USPL1: variants seen among roughly 807,000 people sequenced by gnomAD.
USPL1 encodes ubiquitin specific peptidase like 1, also known as SUMO-specific isopeptidase USPL1.
A neutral mutation model predicts 51.5 loss-of-function variants in USPL1; 27 were observed. The observed-to-expected ratio is 0.52, with a 90% confidence interval of 0.39 to 0.72. The LOEUF is 0.72. Ranked by LOEUF, USPL1 falls within the 30% of genes least tolerant of loss-of-function variation. The probability of loss-of-function intolerance (pLI) is 0.00; values close to 1 mark genes in which losing one functional copy is unlikely to be tolerated. For synonymous variants in USPL1, 451 were observed against 459.6 expected, an observed-to-expected ratio of 0.98 and a Z score of 0.24; for missense variants, 1,226 against 1,268.0, an observed-to-expected ratio of 0.97 and a Z score of 0.50.
At chr13:30,643,409 A>G (rs1337977977) in intron 6 of USPL1, among the ~76,000 whole-genome samples, 1 of 152,178 alleles carries the variant, frequency 6.6e-6, no homozygotes, top group African/African-American at 2.4e-5. Context: ...GATAAGAGAT[A>G]TTCAACCTGT....
At position 30,637,764 on chromosome 13, in the gene USPL1, AC is replaced by A. The variant is rs1422023604; in HGVS notation, c.891del (p.Ser298GlnfsTer7). On this transcript the variant is annotated frameshift_variant, in exon 5 of 9. Coordinates refer to ENST00000255304, the MANE Select transcript of USPL1 (RefSeq NM_005800.5). LOFTEE classifies it high-confidence loss of function. ...CTTAGATGGAGATTGTAAAAAACTT[AC>A]CTCAGAAATATTTGCAGAGATAGAG... is the stretch of plus-strand genomic sequence containing the variant. ...GVKDGDCKKL[T>X]SEIFAEIETC... is the part of the protein sequence containing the mutation. 1 of 1,611,740 alleles carries A rather than the reference AC, an allele frequency of 6.2e-7. No homozygotes were observed. Among genetic ancestry groups the A allele is most frequent in the Non-Finnish European group, 8.5e-7 (1 of 1,179,342 alleles).
At chr13:30,619,148 A>G (rs1190027818) in intron 1 of USPL1, among the ~76,000 whole-genome samples, 2 of 152,328 alleles carry the variant, frequency 1.3e-5, no homozygotes, top group East Asian at 1.9e-4. Flanking sequence ...GAAGGGAGGA[A>G]GAGCAGTTAC....
chr13:30,654,304 GC>G, intron 8 of USPL1, among the ~76,000 whole-genome samples: 1 of 151,850 alleles, frequency 6.6e-6, no homozygotes, highest in Admixed American at 6.6e-5. Context: ...TTGGTTTTTG[GC>G]CCGCCTACCC....
At chr13:30,656,454 G>T (rs1361876949) in intron 8 of USPL1, among the ~76,000 whole-genome samples, 11 of 152,076 alleles carry the variant, frequency 7.2e-5, no homozygotes, top group Non-Finnish European at 1.5e-4. Flanking sequence ...AAGTGGAATC[G>T]TACATTATTT....
intron 6 of USPL1, among the ~76,000 whole-genome samples, chr13:30,643,198 C>G (rs975305198): frequency 2.0e-5 from 3 of 152,198 alleles, no homozygotes; most frequent in African/African-American, 7.2e-5. Context: ...CAGAAGCCTA[C>G]ACATGAGTCT....
intron 3 of USPL1, among the ~76,000 whole-genome samples, chr13:30,625,495 G>A (rs1475664249): frequency 6.7e-6 from 1 of 149,082 alleles, no homozygotes; most frequent in Non-Finnish European, 1.5e-5. Context: ...CACGAGGCTG[G>A]AGTGCAGTGG....
intron 4 of USPL1, among the ~76,000 whole-genome samples, chr13:30,635,531 T>C (rs185898435): frequency 6.6e-6 from 1 of 152,348 alleles, no homozygotes; most frequent in Admixed American, 6.5e-5. Context: ...TTTAAATTAT[T>C]ATGGCTACCT....
chr13:30,630,699 A>G, intron 3 of USPL1, 136 bp from the exon 4 acceptor site: 1 of 986,916 alleles, frequency 1.0e-6, no homozygotes, highest in Non-Finnish European at 1.4e-6. Flanking sequence ...TAATTTTTTC[A>G]AATTTATGTG....
At chr13:30,654,634 TA>T (rs934714256) in intron 8 of USPL1, among the ~76,000 whole-genome samples, 36 of 152,208 alleles carry the variant, frequency 2.4e-4, no homozygotes, top group African/African-American at 8.4e-4. Context: ...GTTGTCTATT[TA>T]ATGGGTAGGT....
At chr13:30,642,551 A>C in intron 5 of USPL1, 77 bp from the exon 6 acceptor site, 1 of 1,538,522 alleles carries the variant, frequency 6.5e-7, no homozygotes, top group Non-Finnish European at 8.8e-7. Context: ...TAGTAAGAAA[A>C]GACAATAGTT....
At chr13:30,655,189 G>A (rs140813066) in intron 8 of USPL1, among the ~76,000 whole-genome samples, 3,318 of 152,198 alleles carry the variant, frequency 0.022, 77 homozygotes, top group Middle Eastern at 0.099. Context: ...CACCCGCCTC[G>A]GCCTCCCGAA....
At chr13:30,654,173 C>T (rs986081665) in intron 8 of USPL1, among the ~76,000 whole-genome samples, 3 of 152,170 alleles carry the variant, frequency 2.0e-5, no homozygotes, top group African/African-American at 7.2e-5. Context: ...TCAGGTGCAG[C>T]ATGGTTTCCA....
intron 8 of USPL1, among the ~76,000 whole-genome samples, chr13:30,653,522 A>G (rs962936005): frequency 2.6e-5 from 4 of 152,082 alleles, no homozygotes; most frequent in African/African-American, 9.7e-5. Flanking sequence ...ATCATGTATT[A>G]TAGGTAAACA....
At chr13:30,621,720 T>A in intron 2 of USPL1, 44 bp from the exon 3 acceptor site, 1 of 1,380,130 alleles carries the variant, frequency 7.2e-7, no homozygotes, top group Non-Finnish European at 9.6e-7. Flanking sequence ...TTTTGATATA[T>A]TCTAGGAATG....
Position 30,655,004 on chromosome 13 carries a change from T to C in USPL1, c.1396+1699T>C, listed in dbSNP as rs1310694299. On this transcript the variant is annotated intron_variant, in intron 8 of 8. Coordinates refer to ENST00000255304, the MANE Select transcript of USPL1 (RefSeq NM_005800.5). ...CCCAGGCTGGAGTGTATTGGCGCAG[T>C]CTTGTCTCACCACCACGTCTGCCTC... is the stretch of plus-strand genomic sequence containing the variant. Among the ~76,000 whole-genome samples, 6 of 151,974 alleles carry C rather than the reference T, an allele frequency of 3.9e-5. No homozygotes were observed. In the East Asian group the frequency reaches 1.2e-3, roughly 30 times the overall value.
chr13:30,621,631 T>A, intron 2 of USPL1, 133 bp from the exon 3 acceptor site: 1 of 633,180 alleles, frequency 1.6e-6, no homozygotes, highest in Non-Finnish European at 2.3e-6. Context: ...TTGTTTGCCA[T>A]GTTTAAAATA....
rs989837740 is a variant in USPL1, at chr13:30,659,605, A to C, written c.*249A>C. 2.8e-6 allele frequency: 1 copy of C among 363,596 alleles called. No homozygotes were observed. Among genetic ancestry groups the C allele is most frequent in the African/African-American group, 2.1e-5 (1 of 47,316 alleles). The allele number at this position is 363,596 out of a possible 1,614,324, so 22.5% of individuals were successfully genotyped here. On this transcript the variant is annotated 3_prime_UTR_variant, in exon 9 of 9. Coordinates refer to ENST00000255304, the MANE Select transcript of USPL1 (RefSeq NM_005800.5). ...AGAGTATGAGGATTTCAAAATGTTA[A>C]AGATGAAAAGTGGCGTCTAGTTTCT...
At chr13:30,635,889 G>C (rs752642435) in intron 4 of USPL1, among the ~76,000 whole-genome samples, 1 of 152,048 alleles carries the variant, frequency 6.6e-6, no homozygotes, top group Non-Finnish European at 1.5e-5. Context: ...GAATATTAAA[G>C]GTCTTGCTGA....
rs1951198879 is a variant in USPL1, at chr13:30,658,375, G to A, written c.2298G>A (p.Arg766=). Residue 766 remains arginine (R), a synonymous_variant, in exon 9 of 9, where the codon AGG becomes AGA. Transcript: ENST00000255304. Reference sequence around the variant, plus strand: ...GTTGGGTTAAAGGCTTAATAAGCAGGGGTGCTTCTTTTATGCCACTCTGTG... The same window carrying A: ...GTTGGGTTAAAGGCTTAATAAGCAGAGGTGCTTCTTTTATGCCACTCTGTG... ...VGSWVKGLIS[R]GASFMPLCVS... 1.2e-6 allele frequency: 2 copies of A among 1,613,672 alleles called. No homozygotes were observed. Among genetic ancestry groups the A allele is most frequent in the African/African-American group, 1.3e-5 (1 of 75,034 alleles).
Sources: gnomAD v4.1 joint callset for allele counts (sites outside exome capture counted in the v4.1 genomes callset) on GRCh38, gnomAD v4.1.1 for gene constraint, MANE v1.5 for transcripts, NCBI Gene and HGNC (gene_info 2026-07-23, HGNC 2026-07-21) for gene names.